TGFBI: variants seen among roughly 807,000 people sequenced by gnomAD.
TGFBI encodes the protein transforming growth factor-beta-induced protein ig-h3.
In TGFBI, 50 loss-of-function variants were observed where a neutral mutation model predicts 73.7. That is an observed-to-expected ratio of 0.68 (90% CI 0.54 to 0.86). TGFBI has a LOEUF of 0.86. Ranked by LOEUF, TGFBI falls within the 40% of genes least tolerant of loss-of-function variation. The probability of loss-of-function intolerance (pLI) is 0.00; values close to 1 mark genes in which losing one functional copy is unlikely to be tolerated. For synonymous variants in TGFBI, 362 were observed against 360.5 expected, an observed-to-expected ratio of 1.00 and a Z score of -0.05; for missense variants, 839 against 877.0, an observed-to-expected ratio of 0.96 and a Z score of 0.55.
chr5:136,062,640 T>C (rs371189970), intron 15 of TGFBI, 23 bp from the exon 16 acceptor site: 4 of 1,558,424 alleles, frequency 2.6e-6, no homozygotes, highest in Non-Finnish European at 3.5e-6. Flanking sequence ...CTAGAAAACC[T>C]GACACCTTGT....
intron 16 of TGFBI, 65 bp from the exon 17 acceptor site, chr5:136,063,121 A>T: frequency 6.8e-7 from 1 of 1,475,248 alleles, no homozygotes; most frequent in Non-Finnish European, 9.5e-7. Context: ...TGAGATTCTG[A>T]CAGTGTCCTA....
At chr5:136,061,401 T>G in intron 14 of TGFBI, 99 bp from the exon 15 acceptor site, 1 of 843,816 alleles carries the variant, frequency 1.2e-6, no homozygotes, top group Non-Finnish European at 2.0e-6. Flanking sequence ...TTTGGAAATG[T>G]GAGCCAGAAA....
chr5:136,059,192 G>C lies in TGFBI; in HGVS notation c.1781G>C (p.Gly594Ala). The part of the protein sequence containing the change: ...GALVRLKSLQ[G>A]DKLEVSLKNN... ...CTGGTGCGGCTAAAGTCTCTCCAAGGTGACAAGCTGGAAGTCAGCTTGGTA... is the reference window on the plus strand; with the variant it reads ...CTGGTGCGGCTAAAGTCTCTCCAAGCTGACAAGCTGGAAGTCAGCTTGGTA... The change falls in exon 13 of 17, where the codon GGT (glycine) becomes GCT (alanine). Residue 594 changes from glycine (G) to alanine (A), a missense_variant. Physicochemically the swap from Gly to Ala is moderately conservative, Grantham distance 60. Transcript: ENST00000442011. The C allele has an allele frequency of 6.2e-7, 1 of 1,610,438 alleles. No individual in the cohort carries two copies. The highest frequency in any genetic ancestry group is 8.5e-7 in the Non-Finnish European group (1 of 1,178,912).
intron 2 of TGFBI, among the ~76,000 whole-genome samples, chr5:136,040,169 CT>C (rs1164987120): frequency 6.6e-6 from 1 of 152,196 alleles, no homozygotes; most frequent in Non-Finnish European, 1.5e-5. Context: ...TCTATCCAAT[CT>C]TGAGTAAAAA....
At chr5:136,038,424 A>C (rs1255954966) in intron 2 of TGFBI, among the ~76,000 whole-genome samples, 1 of 152,222 alleles carries the variant, frequency 6.6e-6, no homozygotes, top group Non-Finnish European at 1.5e-5. Context: ...GGTACTTAAA[A>C]GAGGGAGGCA....
chr5:136,031,382 T>C (rs1191873146), intron 1 of TGFBI, among the ~76,000 whole-genome samples: 1 of 152,260 alleles, frequency 6.6e-6, no homozygotes, highest in Non-Finnish European at 1.5e-5. Flanking sequence ...TAAGGAATTG[T>C]AGCGTGCTGC....
At chr5:136,056,627 C>G (rs1204365126) in intron 11 of TGFBI, 38 bp from the exon 12 acceptor site, 1 of 1,613,254 alleles carries the variant, frequency 6.2e-7, no homozygotes, top group Non-Finnish European at 8.5e-7. Flanking sequence ...AGGAAAATAC[C>G]TGTTGACAGG....
At chr5:136,056,827 T>A (rs1215991035) in intron 12 of TGFBI, 32 bp downstream of exon 12, 1 of 1,588,542 alleles carries the variant, frequency 6.3e-7, no homozygotes, top group Non-Finnish European at 8.6e-7. Flanking sequence ...CGTCTCCATT[T>A]TTCTAAAGTA....
intron 12 of TGFBI, among the ~76,000 whole-genome samples, chr5:136,058,036 G>A (rs1015747669): frequency 6.6e-5 from 10 of 152,114 alleles, no homozygotes; most frequent in Non-Finnish European, 1.3e-4. Context: ...CACCCCTGGG[G>A]GACAGAGAGT....
At position 136,062,663 on chromosome 5, in the gene TGFBI, G is replaced by A. The variant is rs951231567; in HGVS notation, c.1987G>A (p.Ala663Thr). ...IFKQASAFSR[A>T]SQRSVRLAPV... The stretch of plus-strand genomic sequence containing the variant: ...CCTGACACCTTGTGTTTTCTTTCAG[G>A]CTTCCCAGAGGTCTGTGCGACTAGG... The change falls in exon 16 of 17, where the codon GCT (alanine) becomes ACT (threonine). Residue 663 changes from alanine (A) to threonine (T), a missense_variant and splice_region_variant. By Grantham distance (58) the Ala-to-Thr change is moderately conservative. Coordinates refer to ENST00000442011, the MANE Select transcript of TGFBI (RefSeq NM_000358.3). The A allele has an allele frequency of 2.6e-6, 4 of 1,565,418 alleles. No individual in the cohort carries two copies. The highest frequency in any genetic ancestry group is 1.7e-4 in the Middle Eastern group (1 of 6,010).
Position 136,046,976 on chromosome 5 carries a change from C to T in TGFBI, c.585C>T (p.Tyr195=), listed in dbSNP as rs372432466. 18 of 1,613,344 alleles carry T rather than the reference C, an allele frequency of 1.1e-5. No homozygotes were observed. Among genetic ancestry groups the T allele is most frequent in the Non-Finnish European group, 1.5e-5 (18 of 1,179,856 alleles). The change falls in exon 5 of 17, where the codon TAC becomes TAT. Residue 195 remains tyrosine (Y), a synonymous_variant. Transcript: ENST00000442011. ...LKHGMTLTSM[Y]QNSNIQIHHY... Reference sequence around the variant, plus strand: ...ACGGCATGACCCTCACCTCTATGTACCAGAATTCCAACATCCAGATCCACC... The same window carrying T: ...ACGGCATGACCCTCACCTCTATGTATCAGAATTCCAACATCCAGATCCACC...
At chr5:136,036,123 G>A (rs914068774) in intron 2 of TGFBI, among the ~76,000 whole-genome samples, 5 of 152,192 alleles carry the variant, frequency 3.3e-5, no homozygotes, top group African/African-American at 1.2e-4. Flanking sequence ...ACCCCTCGGG[G>A]GCAGGTTTGG....
At chr5:136,047,078 G>A in intron 5 of TGFBI, 63 bp downstream of exon 5, 2 of 1,586,392 alleles carry the variant, frequency 1.3e-6, no homozygotes, top group Non-Finnish European at 1.7e-6. Context: ...TCTGTTCCAT[G>A]TGTGGGCTGG....
At chr5:136,053,324 C>A (rs1249894535) in intron 8 of TGFBI, among the ~76,000 whole-genome samples, 4 of 152,230 alleles carry the variant, frequency 2.6e-5, no homozygotes, top group Admixed American at 6.5e-5. Context: ...AGTGGAGAGG[C>A]AGTGGGGAGC....
At chr5:136,056,640 A>C in intron 11 of TGFBI, 25 bp from the exon 12 acceptor site, 2 of 1,613,682 alleles carry the variant, frequency 1.2e-6, no homozygotes, top group Non-Finnish European at 1.7e-6. Flanking sequence ...TTGACAGGTG[A>C]CATTTTCTGT....
rs987913372 is a variant in TGFBI at position 136,041,366 on chromosome 5, T to C, written c.234-2692T>C. Among the ~76,000 whole-genome samples, 4 of 152,308 alleles carry C rather than the reference T, an allele frequency of 2.6e-5. 1 individual carries two copies. Among genetic ancestry groups the C allele is most frequent in the Admixed American group, 1.3e-4 (2 of 15,304 alleles). The stretch of plus-strand genomic sequence containing the variant: ...TGCATAAGCCATCCATGTGTGACAG[T>C]AGAGTGTAGTCCAGCCACTGTGGGA... On this transcript the variant is annotated intron_variant, in intron 2 of 16. Coordinates refer to ENST00000442011, the MANE Select transcript of TGFBI (RefSeq NM_000358.3).
chr5:136,039,815 G>T (rs553175424), intron 2 of TGFBI, among the ~76,000 whole-genome samples: 1 of 152,298 alleles, frequency 6.6e-6, no homozygotes, highest in South Asian at 2.1e-4. Context: ...ATTTTCTATT[G>T]GGAGGCTTCA....
At chr5:136,056,274 T>C (rs542933283) in intron 11 of TGFBI, among the ~76,000 whole-genome samples, 90 of 152,314 alleles carry the variant, frequency 5.9e-4, no homozygotes, top group Middle Eastern at 3.4e-3. Flanking sequence ...GCTGTCATAT[T>C]GAATGTTTCC....
At chr5:136,054,482 G>A (rs913698357) in intron 9 of TGFBI, among the ~76,000 whole-genome samples, 2 of 152,208 alleles carry the variant, frequency 1.3e-5, no homozygotes, top group East Asian at 1.9e-4. Flanking sequence ...AGTTGTGTGC[G>A]TGCCTGCCCT....
Sources: gnomAD v4.1 joint callset for allele counts (sites outside exome capture counted in the v4.1 genomes callset) on GRCh38, gnomAD v4.1.1 for gene constraint, MANE v1.5 for transcripts, NCBI Gene and HGNC (gene_info 2026-07-23, HGNC 2026-07-21) for gene names.